Variants in ZNF385D observed in about 807,000 individuals in gnomAD.
ZNF385D encodes the protein zinc finger protein 385D.
In ZNF385D, 15 loss-of-function variants were observed where a neutral mutation model predicts 35.8. The ratio of observed to expected loss-of-function variants is 0.42; its 90% confidence interval spans 0.28 to 0.64. The LOEUF is 0.64. Ranked by LOEUF, ZNF385D falls within the 30% of genes least tolerant of loss-of-function variation. The pLI, the probability that ZNF385D is intolerant of heterozygous loss-of-function variation, is 0.23. For missense variants in ZNF385D, 474 were observed against 494.6 expected (o/e 0.96, Z 0.39); for synonymous variants, 212 against 186.8 (o/e 1.13, Z -1.10).
intron 2 of ZNF385D, among the ~76,000 whole-genome samples, chr3:22,265,837 T>C (rs1410390833): frequency 6.6e-6 from 1 of 151,988 alleles, no homozygotes. Context: ...GGTACCATTT[T>C]TGCACGTGGG....
chr3:22,304,569 T>C (rs1161238601), intron 2 of ZNF385D, among the ~76,000 whole-genome samples: 1 of 152,184 alleles, frequency 6.6e-6, no homozygotes, highest in Admixed American at 6.5e-5. Flanking sequence ...ATATCTTCTA[T>C]GGTTAGTGAT....
intron 2 of ZNF385D, among the ~76,000 whole-genome samples, chr3:21,577,812 CTTTT>C (rs779083360): frequency 7.5e-6 from 1 of 133,560 alleles, no homozygotes. Context: ...TATTTTTTTT[CTTTT>C]TTTTTTTTTT....
At chr3:21,937,147 T>A (rs1282800679) in intron 3 of ZNF385D, among the ~76,000 whole-genome samples, 2 of 152,086 alleles carry the variant, frequency 1.3e-5, no homozygotes. Flanking sequence ...AATGTGTTCA[T>A]AAAAAGTTCA....
chr3:22,210,919 T>C (rs1475528524), intron 2 of ZNF385D, among the ~76,000 whole-genome samples: 2 of 151,966 alleles, frequency 1.3e-5, no homozygotes, highest in Non-Finnish European at 2.9e-5. Context: ...TAAGTATACA[T>C]CCATAAACAT....
chr3:21,573,929 G>A (rs979743568), intron 2 of ZNF385D, among the ~76,000 whole-genome samples: 10 of 151,692 alleles, frequency 6.6e-5, no homozygotes, highest in Admixed American at 1.3e-4. Context: ...GTGTGGTGGC[G>A]GGCGCTTGTA....
chr3:21,792,800 C>G (rs919320063), intron 3 of ZNF385D, among the ~76,000 whole-genome samples: 2 of 152,170 alleles, frequency 1.3e-5, no homozygotes, highest in African/African-American at 4.8e-5. Flanking sequence ...TAGCTTTCAT[C>G]TAGAGCATCC....
intron 3 of ZNF385D, among the ~76,000 whole-genome samples, chr3:22,023,533 T>TAA (rs1183186499): frequency 6.6e-6 from 1 of 152,190 alleles, no homozygotes; most frequent in Admixed American, 6.6e-5. Context: ...GAGTCATTGT[T>TAA]ACAATGCTTC....
chr3:22,172,261 A>G (rs1371785086), intron 2 of ZNF385D, among the ~76,000 whole-genome samples: 1 of 152,210 alleles, frequency 6.6e-6, no homozygotes, highest in Non-Finnish European at 1.5e-5. Flanking sequence ...TAATTATCAA[A>G]GGAATGAGGT....
chr3:21,499,332 TG>T (rs1706186436), intron 4 of ZNF385D, among the ~76,000 whole-genome samples: 2 of 152,054 alleles, frequency 1.3e-5, no homozygotes, highest in Non-Finnish European at 2.9e-5. Context: ...TTTGCAGCAA[TG>T]TGGATGGAGG....
At position 22,254,086 on chromosome 3, in the gene ZNF385D, C is replaced by G. The variant is rs142053383; in HGVS notation, c.107-85051G>C. On this transcript the variant is annotated intron_variant, in intron 2 of 5. Transcript: ENST00000494108. Reference sequence around the variant, plus strand: ...GCACACAATGGGGAAAATATTTGCACAGTGTAAAACCTACAAGGCATTAAT... The same window carrying G: ...GCACACAATGGGGAAAATATTTGCAGAGTGTAAAACCTACAAGGCATTAAT... Among the ~76,000 whole-genome samples, 606 of 151,806 alleles carry G rather than the reference C, an allele frequency of 4.0e-3. 4 individuals carry two copies. Among genetic ancestry groups the G allele is most frequent in the African/African-American group, 0.014 (568 of 41,454 alleles).
intron 3 of ZNF385D, among the ~76,000 whole-genome samples, chr3:21,918,805 G>T (rs2125922782): frequency 6.6e-6 from 1 of 151,996 alleles, no homozygotes; most frequent in Non-Finnish European, 1.5e-5. Context: ...AATCATTTTA[G>T]TTAAATTTTC....
At chr3:22,345,690 C>G (rs1559532583) in intron 2 of ZNF385D, among the ~76,000 whole-genome samples, 3 of 152,270 alleles carry the variant, frequency 2.0e-5, no homozygotes, top group Admixed American at 2.0e-4. Flanking sequence ...AACCCAGATG[C>G]CCCCCTTCAG....
chr3:22,026,564 G>A (rs932280544), intron 3 of ZNF385D, among the ~76,000 whole-genome samples: 13 of 152,128 alleles, frequency 8.5e-5, no homozygotes, highest in South Asian at 4.1e-4. Context: ...CCTACTTACA[G>A]CAGATCCAGT....
At chr3:21,569,728 A>T (rs2063269573) in intron 2 of ZNF385D, among the ~76,000 whole-genome samples, 1 of 151,904 alleles carries the variant, frequency 6.6e-6, no homozygotes, top group Non-Finnish European at 1.5e-5. Flanking sequence ...CTATGCAGCC[A>T]TAAAAAATGA....
At chr3:21,724,043 CCAAACTA>C (rs750909289) in intron 1 of ZNF385D, among the ~76,000 whole-genome samples, 43 of 152,170 alleles carry the variant, frequency 2.8e-4, no homozygotes, top group Non-Finnish European at 4.9e-4. Context: ...TCATATCCAG[CCAAACTA>C]AGCTTCATAA....
At chr3:22,137,895 T>C (rs1426066617) in intron 3 of ZNF385D, among the ~76,000 whole-genome samples, 4 of 152,054 alleles carry the variant, frequency 2.6e-5, no homozygotes, top group African/African-American at 4.8e-5. Flanking sequence ...TGTTTGCAGA[T>C]GACATGATTG....
chr3:21,414,899 A>G lies in ZNF385D; in HGVS notation c.*6315T>C, dbSNP rs909464071. ...ATCTCACGAACTCAATTCCTTTTTCATCTCTACTAATGTTAGCATAACATC... is the reference window on the plus strand; with the variant it reads ...ATCTCACGAACTCAATTCCTTTTTCGTCTCTACTAATGTTAGCATAACATC... On this transcript the variant is annotated 3_prime_UTR_variant, in exon 8 of 8. Coordinates refer to ENST00000281523, the MANE Select transcript of ZNF385D (RefSeq NM_024697.3). The G allele has an allele frequency of 1.3e-5, 2 of 152,122 alleles. No homozygotes were observed. Among genetic ancestry groups the G allele is most frequent in the Admixed American group, 6.5e-5 (1 of 15,270 alleles). 9.4% of individuals were successfully genotyped at this position (152,122 alleles called of 1,614,324 possible). A position where few individuals can be genotyped will look rare whatever the true frequency, so the allele number is the denominator to read the frequency against.
At chr3:22,331,409 T>C (rs1396142383) in intron 2 of ZNF385D, among the ~76,000 whole-genome samples, 2 of 152,134 alleles carry the variant, frequency 1.3e-5, no homozygotes, top group Admixed American at 1.3e-4. Context: ...TAAACAGTAA[T>C]ATGAATAAAA....
intron 3 of ZNF385D, among the ~76,000 whole-genome samples, chr3:21,983,041 C>A (rs139488445): frequency 6.6e-6 from 1 of 151,844 alleles, no homozygotes; most frequent in African/African-American, 2.4e-5. Flanking sequence ...GGATATTGGG[C>A]TGAAGTTTTC....
Sources: allele counts gnomAD v4.1 joint callset (sites outside exome capture counted in the v4.1 genomes callset), GRCh38; gene constraint gnomAD v4.1.1; transcripts MANE v1.5; gene names NCBI Gene and HGNC (gene_info 2026-07-23, HGNC 2026-07-21).